Variants in NCKAP5 observed in about 807,000 individuals in gnomAD.
NCKAP5 encodes the protein nck-associated protein 5.
NCKAP5 carries 92 observed loss-of-function variants against 167.0 expected under a neutral mutation model. The ratio of observed to expected loss-of-function variants is 0.55; its 90% CI spans 0.47 to 0.66. The LOEUF is 0.66. Ranked by LOEUF, NCKAP5 falls within the 30% of genes least tolerant of loss-of-function variation. The pLI is 0.00. For synonymous variants in NCKAP5, 891 were observed against 877.4 expected, an observed-to-expected ratio of 1.02 and a Z score of -0.27; for missense variants, 2,378 against 2,315.0, an observed-to-expected ratio of 1.03 and a Z score of -0.56.
intron 6 of NCKAP5, among the ~76,000 whole-genome samples, chr2:133,102,003 G>GA (rs1339842338): frequency 3.8e-4 from 58 of 151,582 alleles, no homozygotes; most frequent in Admixed American, 2.9e-3. Flanking sequence ...AGTCTCTGGG[G>GA]AAAAAAAATA....
chr2:133,477,351 T>C (rs191686309), intron 3 of NCKAP5, among the ~76,000 whole-genome samples: 66 of 152,324 alleles, frequency 4.3e-4, no homozygotes, highest in African/African-American at 1.5e-3. Flanking sequence ...CTCCCTTTGA[T>C]AAAATCTTCT....
At chr2:132,874,895 G>GTTTAT (rs72377677) in intron 9 of NCKAP5, among the ~76,000 whole-genome samples, 250 of 150,404 alleles carry the variant, frequency 1.7e-3, no homozygotes, top group East Asian at 7.8e-3. Context: ...CTGGGATATG[G>GTTTAT]TTTATTTTAT....
chr2:132,729,869 G>A (rs1172920633), intron 17 of NCKAP5, among the ~76,000 whole-genome samples: 1 of 152,148 alleles, frequency 6.6e-6, no homozygotes, highest in Non-Finnish European at 1.5e-5. Context: ...TCAGCACTGT[G>A]AGTTTTGTAT....
At chr2:132,817,332 C>T (rs899952501) in intron 11 of NCKAP5, among the ~76,000 whole-genome samples, 1 of 152,114 alleles carries the variant, frequency 6.6e-6, no homozygotes. Context: ...TTATTAGATT[C>T]TTTCTCACGG....
At chr2:133,499,420 T>G (rs1035423412) in intron 3 of NCKAP5, among the ~76,000 whole-genome samples, 9 of 152,190 alleles carry the variant, frequency 5.9e-5, no homozygotes, top group Non-Finnish European at 1.3e-4. Context: ...CATAAACACA[T>G]TTTCAAAAGG....
chr2:132,931,972 A>G (rs1040222992), intron 8 of NCKAP5, among the ~76,000 whole-genome samples: 3 of 152,226 alleles, frequency 2.0e-5, no homozygotes, highest in Admixed American at 2.0e-4. Flanking sequence ...ACATTTGAAA[A>G]AGAGTGCATA....
At chr2:132,953,430 T>C (rs187205753) in intron 8 of NCKAP5, among the ~76,000 whole-genome samples, 6 of 152,320 alleles carry the variant, frequency 3.9e-5, no homozygotes, top group Admixed American at 3.3e-4. Context: ...GTACACACCT[T>C]ACATTTTTCT....
chr2:133,217,015 T>A (rs1271535173), intron 4 of NCKAP5, among the ~76,000 whole-genome samples: 1 of 152,064 alleles, frequency 6.6e-6, no homozygotes, highest in Non-Finnish European at 1.5e-5. Context: ...ACTAGAAAGA[T>A]AAAGGATAGA....
At chr2:133,239,112 C>A (rs1290302110) in intron 4 of NCKAP5, among the ~76,000 whole-genome samples, 3 of 152,168 alleles carry the variant, frequency 2.0e-5, no homozygotes, top group African/African-American at 7.2e-5. Flanking sequence ...AATTAATTAG[C>A]CAAATTCACT....
chr2:133,230,480 C>T (rs1432164576), intron 4 of NCKAP5, among the ~76,000 whole-genome samples: 2 of 152,172 alleles, frequency 1.3e-5, no homozygotes, highest in Non-Finnish European at 2.9e-5. Context: ...GGAAACATTA[C>T]CAATACTAAT....
At chr2:133,079,283 G>A (rs990088983) in intron 6 of NCKAP5, among the ~76,000 whole-genome samples, 1 of 152,182 alleles carries the variant, frequency 6.6e-6, no homozygotes, top group Non-Finnish European at 1.5e-5. Context: ...GACTGGATGT[G>A]CCATAGCAGC....
chr2:133,415,127 C>T (rs1372260741), intron 3 of NCKAP5, among the ~76,000 whole-genome samples: 3 of 152,214 alleles, frequency 2.0e-5, no homozygotes, highest in African/African-American at 7.2e-5. Flanking sequence ...CCCCATTGCC[C>T]CCGCTGATGC....
At chr2:132,970,775 T>A (rs539978867) in intron 7 of NCKAP5, among the ~76,000 whole-genome samples, 1 of 152,218 alleles carries the variant, frequency 6.6e-6, no homozygotes, top group East Asian at 1.9e-4. Flanking sequence ...ATAACATCAA[T>A]CAACACAAAG....
At chr2:132,694,424 G>A (rs143968188) in intron 19 of NCKAP5, among the ~76,000 whole-genome samples, 107 of 152,090 alleles carry the variant, frequency 7.0e-4, no homozygotes, top group East Asian at 3.5e-3. Flanking sequence ...TACAAATGAC[G>A]GAAAGATTGT....
rs537394645 is a variant in NCKAP5 at position 133,465,346 on chromosome 2, T to G, written c.69+52112A>C. On this transcript the variant is annotated intron_variant, in intron 3 of 19. Transcript: ENST00000409261. ...CTACAAAGGACATGAACTCATCATTTTTTATGGCTGCATAGTATTCCATGG... is the reference window on the plus strand; with the variant it reads ...CTACAAAGGACATGAACTCATCATTGTTTATGGCTGCATAGTATTCCATGG... Among the ~76,000 whole-genome samples the G allele has an allele frequency of 1.1e-3, 163 of 152,218 alleles. 1 individual carries two copies. Among genetic ancestry groups the G allele is most frequent in the African/African-American group, 3.7e-3 (152 of 41,548 alleles).
intron 6 of NCKAP5, among the ~76,000 whole-genome samples, chr2:133,062,773 G>A (rs1181274410): frequency 1.3e-5 from 2 of 151,914 alleles, no homozygotes; most frequent in Admixed American, 1.3e-4. Flanking sequence ...AAAATGCTCT[G>A]GGAAATAATT....
the NCKAP5 span, among the ~76,000 whole-genome samples, chr2:133,605,628 C>T: frequency 2.6e-5 from 4 of 152,148 alleles, no homozygotes; most frequent in African/African-American, 9.7e-5. Flanking sequence ...CTCTGCTCAT[C>T]GATTTGTAAA....
chr2:132,729,430 A>G (rs76409365), intron 17 of NCKAP5, among the ~76,000 whole-genome samples: 3,701 of 152,304 alleles, frequency 0.024, 158 homozygotes, highest in African/African-American at 0.084. Context: ...TAAAATACGT[A>G]TTAAGGTTAT....
At chr2:132,756,434 T>C (rs1309013682) in intron 16 of NCKAP5, among the ~76,000 whole-genome samples, 1 of 152,036 alleles carries the variant, frequency 6.6e-6, no homozygotes, top group Non-Finnish European at 1.5e-5. Flanking sequence ...TGAGGAGAGT[T>C]AGACACGCAG....
Sources: gnomAD v4.1 joint callset for allele counts (sites outside exome capture counted in the v4.1 genomes callset) on GRCh38, gnomAD v4.1.1 for gene constraint, MANE v1.5 for transcripts, NCBI Gene and HGNC (gene_info 2026-07-23, HGNC 2026-07-21) for gene names.